The following RANBP2 variants were observed in gnomAD, a reference collection of about 807,000 sequenced individuals.
RANBP2 encodes the protein E3 SUMO-protein ligase RanBP2.
RANBP2 carries 57 observed loss-of-function variants against 303.6 expected under a neutral mutation model. The observed-to-expected ratio is 0.19, with a 90% confidence interval of 0.15 to 0.23. The LOEUF (loss-of-function observed/expected upper bound fraction) is 0.23, where lower values mean the gene tolerates loss of function less well. Among genes scored for constraint, RANBP2 ranks in the 10% least tolerant of loss-of-function variants. The probability of loss-of-function intolerance (pLI) is 1.00; values close to 1 mark genes in which losing one functional copy is unlikely to be tolerated. For synonymous variants in RANBP2, 1,167 were observed against 1,301.5 expected (o/e 0.90, Z 2.23); for missense variants, 3,138 against 3,780.8 (o/e 0.83, Z 4.46).
At chr2:109,694,997 T>G in the RANBP2 span, among the ~76,000 whole-genome samples, 2 of 152,184 alleles carry the variant, frequency 1.3e-5, no homozygotes, top group Non-Finnish European at 2.9e-5. Flanking sequence ...TTTTCTCCAT[T>G]GCTCAGATGG....
chr2:109,180,217 C>G, the RANBP2 span, among the ~76,000 whole-genome samples: 3 of 152,104 alleles, frequency 2.0e-5, no homozygotes, highest in Non-Finnish European at 4.4e-5. Flanking sequence ...CTGCCCTCCA[C>G]TGGTATTCCC....
chr2:109,327,858 A>G, the RANBP2 span, among the ~76,000 whole-genome samples: 3 of 152,146 alleles, frequency 2.0e-5, no homozygotes, highest in Non-Finnish European at 4.4e-5. Context: ...CCTTTGCATA[A>G]ATTTTCTTTT....
chr2:109,687,661 C>T, the RANBP2 span, among the ~76,000 whole-genome samples: 6 of 152,090 alleles, frequency 3.9e-5, no homozygotes, highest in Admixed American at 2.0e-4. Context: ...TGCTCTGTAG[C>T]GACTCTGTAC....
chr2:109,654,874 G>A, the RANBP2 span, among the ~76,000 whole-genome samples: 37 of 151,454 alleles, frequency 2.4e-4, no homozygotes, highest in Middle Eastern at 3.4e-3. Flanking sequence ...GCTCTAATTT[G>A]TAAAGGGAGG....
rs200177538 is a variant in RANBP2 at position 108,772,547 on chromosome 2, A to T, written c.8079A>T (p.Ser2693=). 6.2e-7 allele frequency: 1 copy of T among 1,613,926 alleles called. No homozygotes were observed. Among genetic ancestry groups the T allele is most frequent in the Admixed American group, 1.7e-5 (1 of 60,032 alleles). Residue 2693 remains serine (S), a synonymous_variant, in exon 22 of 29, where the codon TCA becomes TCT. Transcript: ENST00000283195. ...ATGGAAAACTATATTTGGATGGCTCAGAAAAATGTAGACCCTTGGAAGAAA... is the reference window on the plus strand; with the variant it reads ...ATGGAAAACTATATTTGGATGGCTCTGAAAAATGTAGACCCTTGGAAGAAA... The part of the protein sequence containing the change: ...KLNGKLYLDG[S]EKCRPLEENT...
the RANBP2 span, among the ~76,000 whole-genome samples, chr2:109,514,884 G>T: frequency 4.6e-5 from 7 of 152,026 alleles, no homozygotes; most frequent in Non-Finnish European, 1.0e-4. Flanking sequence ...GTCAGGTGGT[G>T]CTTCCCACCC....
the RANBP2 span, chr2:108,798,578 A>T: frequency 3.7e-6 from 6 of 1,605,820 alleles, no homozygotes; most frequent in Non-Finnish European, 5.1e-6. Flanking sequence ...ATTTCAAATT[A>T]TAAAAGAGGT....
chr2:108,796,110 G>A, the RANBP2 span, among the ~76,000 whole-genome samples: 4 of 152,030 alleles, frequency 2.6e-5, no homozygotes, highest in Non-Finnish European at 5.9e-5. Context: ...GTGCAGTGGC[G>A]CAATCTCGGC....
At chr2:109,081,108 C>T in the RANBP2 span, among the ~76,000 whole-genome samples, 4 of 152,176 alleles carry the variant, frequency 2.6e-5, no homozygotes, top group Non-Finnish European at 4.4e-5. Context: ...GAAGACTAAA[C>T]GTGAAGAAAG....
At chr2:108,774,048 A>C (rs1677701561) in intron 23 of RANBP2, among the ~76,000 whole-genome samples, 1 of 152,200 alleles carries the variant, frequency 6.6e-6, no homozygotes, top group East Asian at 1.9e-4. Flanking sequence ...ACACATCATC[A>C]CCTAATGTTT....
At position 108,782,341 on chromosome 2, in the gene RANBP2, G is replaced by A. The variant is rs1321117833; in HGVS notation, c.8974G>A (p.Glu2992Lys). Residue 2992 changes from glutamate to lysine, a missense_variant, in exon 27 of 29, where the codon GAA becomes AAA. This residue lies in a region of RANBP2 where 204 missense variants were observed against 228.4 expected (regional missense o/e 0.89). Transcript: ENST00000283195. ...AAACCACGTTATTACTAAAACAATGGAATTAAAGCCCTTAAATGTTTCAAA... is the reference window on the plus strand; with the variant it reads ...AAACCACGTTATTACTAAAACAATGAAATTAAAGCCCTTAAATGTTTCAAA... ...CANHVITKTM[E>K]LKPLNVSNNA... is the part of the protein sequence containing the mutation. The A allele has an allele frequency of 3.1e-6, 5 of 1,614,120 alleles. No homozygotes were observed. Among genetic ancestry groups the A allele is most frequent in the Non-Finnish European group, 4.2e-6 (5 of 1,180,026 alleles).
rs186897147 is a variant in RANBP2 at position 108,738,777 on chromosome 2, T to C, written c.783-1712T>C. Among the ~76,000 whole-genome samples the C allele has an allele frequency of 3.5e-3, 531 of 151,488 alleles. 2 individuals carry two copies. The highest frequency in any genetic ancestry group is 7.0e-3 in the Admixed American group (107 of 15,208). On this transcript the variant is annotated intron_variant, in intron 6 of 28. Coordinates refer to ENST00000283195, the MANE Select transcript of RANBP2 (RefSeq NM_006267.5). ...CCAAGTACCTGGAATTACAGGTGCC[T>C]ACCACCACGCCTGGCTAATTTTTTG...
chr2:108,892,745 C>T, the RANBP2 span, among the ~76,000 whole-genome samples: 2 of 152,138 alleles, frequency 1.3e-5, no homozygotes, highest in African/African-American at 4.8e-5. Flanking sequence ...TCTTATTCAC[C>T]CTTTCCCTGA....
In RANBP2 at chr2:108,767,348, G is replaced by A; in HGVS notation, c.6809G>A (p.Ser2270Asn). 1 of 1,612,062 alleles carries A rather than the reference G, an allele frequency of 6.2e-7. No homozygotes were observed. The highest frequency in any genetic ancestry group is 1.1e-5 in the South Asian group (1 of 90,996). The change falls in exon 20 of 29, where the codon AGT (serine) becomes AAT (asparagine). Residue 2270 changes from serine to asparagine, a missense_variant. Ser to Asn is a conservative substitution (Grantham distance 46). Around this residue, in one of 20 missense-constraint regions of RANBP2, gnomAD observed 72 missense variants for 86.8 expected, o/e 0.83. Coordinates refer to ENST00000283195, the MANE Select transcript of RANBP2 (RefSeq NM_006267.5). ...GAGTCAACAACAGGATTTAACTTCA[G>A]TTTTAAATCTGCTTTGAGTCCATCT... Reference protein sequence around the residue: ...FGESTTGFNFSFKSALSPSKS... With the variant: ...FGESTTGFNFNFKSALSPSKS...
the RANBP2 span, chr2:109,574,761 T>C: frequency 1.3e-6 from 2 of 1,571,062 alleles, no homozygotes; most frequent in South Asian, 2.4e-5. Flanking sequence ...CAACTATTGG[T>C]TGGTAGCTGA....
chr2:109,294,625 T>G, the RANBP2 span, among the ~76,000 whole-genome samples: 1 of 151,662 alleles, frequency 6.6e-6, no homozygotes, highest in Non-Finnish European at 1.5e-5. Context: ...AGAGCCATCC[T>G]TGCATTCTTC....
chr2:108,770,237 C>T (rs950197390), intron 20 of RANBP2, among the ~76,000 whole-genome samples: 10 of 152,054 alleles, frequency 6.6e-5, no homozygotes, highest in African/African-American at 2.4e-4. Flanking sequence ...AAACTGAGGC[C>T]AAGAGAGGCT....
the RANBP2 span, among the ~76,000 whole-genome samples, chr2:109,444,269 GTAAT>G: frequency 1.3e-5 from 2 of 152,176 alleles, no homozygotes; most frequent in East Asian, 1.9e-4. Context: ...AAAAAATACA[GTAAT>G]TAAGTTTATG....
At chr2:109,068,270 G>T in the RANBP2 span, among the ~76,000 whole-genome samples, 1 of 152,308 alleles carries the variant, frequency 6.6e-6, no homozygotes, top group South Asian at 2.1e-4. Context: ...CAGACATTTG[G>T]AGTGATCCTA....
Sources: gnomAD v4.1 joint callset for allele counts (sites outside exome capture counted in the v4.1 genomes callset) on GRCh38, gnomAD v4.1.1 for gene constraint, gnomAD v4.1.1 regional missense constraint, MANE v1.5 for transcripts, NCBI Gene and HGNC (gene_info 2026-07-23, HGNC 2026-07-21) for gene names.